Variants in SGIP1 observed in about 807,000 individuals in gnomAD.
SGIP1 encodes the protein SH3-containing GRB2-like protein 3-interacting protein 1.
Under a neutral mutation model 107.5 loss-of-function variants are expected in SGIP1, and 38 were observed. The observed-to-expected ratio is 0.35, with a 90% confidence interval of 0.27 to 0.46. The LOEUF (loss-of-function observed/expected upper bound fraction) is 0.46. SGIP1 is among the 20% of genes least tolerant of loss of function. The pLI, the probability that SGIP1 is intolerant of heterozygous loss-of-function variation, is 1.00. For missense variants in SGIP1, 929 were observed against 1,019.5 expected (o/e 0.91, Z 1.21); for synonymous variants, 365 against 366.1 (o/e 1.00, Z 0.03).
At chr1:66,660,145 GAGAAAGAA>G (rs71575496) in intron 7 of SGIP1, 3,984 of 42,280 alleles carry the variant, frequency 0.094, 275 homozygotes, top group Non-Finnish European at 0.12. Context: ...AGAAAGAAGA[GAGAAAGAA>G]AGAAAGAAAG....
chr1:66,660,207 G>GAAAGAA (rs1557505496), intron 7 of SGIP1: 2 of 176,434 alleles, frequency 1.1e-5, no homozygotes, highest in African/African-American at 4.1e-5. Flanking sequence ...AAGAAAGAAA[G>GAAAGAA]AAAGAAAGAG....
chr1:66,607,621 CA>C (rs1255239554), intron 1 of SGIP1, among the ~76,000 whole-genome samples: 1 of 152,194 alleles, frequency 6.6e-6, no homozygotes, highest in East Asian at 1.9e-4. Context: ...TATTCTGTGA[CA>C]GGGGATTCTC....
chr1:66,630,349 C>T (rs1316331064), intron 2 of SGIP1, among the ~76,000 whole-genome samples: 1 of 152,122 alleles, frequency 6.6e-6, no homozygotes, highest in Non-Finnish European at 1.5e-5. Context: ...TCTTGCTGTT[C>T]CCAAAGGCAT....
At chr1:66,573,423 A>T (rs2060645989) in intron 1 of SGIP1, among the ~76,000 whole-genome samples, 1 of 152,134 alleles carries the variant, frequency 6.6e-6, no homozygotes, top group Non-Finnish European at 1.5e-5. Context: ...TACCCAAAGG[A>T]ATATAAATTA....
At position 66,534,222 on chromosome 1, in the gene SGIP1, AC is replaced by A; in HGVS notation, c.-136del. ...TCCATGGCCTGTCTTTTGGCTTAAC[AC>A]TTATCTCCTTTGGCTTTGACAGCGG... On this transcript the variant is annotated 5_prime_UTR_variant, in exon 1 of 25. Coordinates refer to ENST00000371037, the MANE Select transcript of SGIP1 (RefSeq NM_032291.4). 1 of 879,938 alleles carries A rather than the reference AC, an allele frequency of 1.1e-6. No homozygotes were observed. The highest frequency in any genetic ancestry group is 1.9e-6 in the Non-Finnish European group (1 of 531,858). 54.5% of individuals were successfully genotyped at this position (879,938 alleles called of 1,614,324 possible).
intron 8 of SGIP1, among the ~76,000 whole-genome samples, chr1:66,663,935 C>T (rs1235735998): frequency 6.6e-6 from 1 of 152,106 alleles, no homozygotes; most frequent in South Asian, 2.1e-4. Context: ...TACTTTTGCA[C>T]CTACTTTAAT....
chr1:66,723,473 G>C (rs1052990823), intron 19 of SGIP1, among the ~76,000 whole-genome samples: 3 of 152,086 alleles, frequency 2.0e-5, no homozygotes, highest in African/African-American at 7.2e-5. Context: ...CACATCTCCC[G>C]CTATTAGTTC....
At chr1:66,690,362 G>T in intron 17 of SGIP1, 46 bp downstream of exon 17, 1 of 1,608,510 alleles carries the variant, frequency 6.2e-7, no homozygotes, top group Non-Finnish European at 8.5e-7. Context: ...GTTTTGACTG[G>T]CTATTTTTTA....
At chr1:66,629,881 G>A (rs1279622108) in intron 2 of SGIP1, among the ~76,000 whole-genome samples, 2 of 152,174 alleles carry the variant, frequency 1.3e-5, no homozygotes, top group Non-Finnish European at 2.9e-5. Context: ...TCTAGAGACT[G>A]TCTCAGGTTC....
chr1:66,622,512 G>C (rs2071408972), intron 1 of SGIP1, among the ~76,000 whole-genome samples: 1 of 152,094 alleles, frequency 6.6e-6, no homozygotes, highest in African/African-American at 2.4e-5. Context: ...TTATAACCGG[G>C]CTGCCTAGTT....
intron 1 of SGIP1, among the ~76,000 whole-genome samples, chr1:66,577,338 T>C (rs2061204267): frequency 6.6e-6 from 1 of 152,200 alleles, no homozygotes; most frequent in African/African-American, 2.4e-5. Context: ...CTACATCATA[T>C]AAACTCCTTA....
chr1:66,662,014 T>C (rs552110376), intron 8 of SGIP1, among the ~76,000 whole-genome samples: 1 of 152,298 alleles, frequency 6.6e-6, no homozygotes, highest in Admixed American at 6.5e-5. Context: ...ATATGTCTGA[T>C]TGAATATAAT....
At chr1:66,670,889 A>C in intron 9 of SGIP1, 106 bp from the exon 10 acceptor site, 1 of 508,770 alleles carries the variant, frequency 2.0e-6, no homozygotes, top group Non-Finnish European at 3.4e-6. Flanking sequence ...TCATTTCCCT[A>C]TCTGCATTTA....
At chr1:66,577,944 T>A (rs957104294) in intron 1 of SGIP1, among the ~76,000 whole-genome samples, 2 of 152,182 alleles carry the variant, frequency 1.3e-5, no homozygotes, top group Non-Finnish European at 2.9e-5. Flanking sequence ...AGATGTTTAA[T>A]TTTAGCACCA....
intron 21 of SGIP1, among the ~76,000 whole-genome samples, chr1:66,735,768 T>G: frequency 5.6e-5 from 1 of 17,750 alleles, no homozygotes; most frequent in Non-Finnish European, 1.4e-4. Flanking sequence ...TGCAGTGAGC[T>G]GAGATTGCGC....
At chr1:66,686,605 GT>G (rs558971147) in intron 15 of SGIP1, among the ~76,000 whole-genome samples, 182 of 152,308 alleles carry the variant, frequency 1.2e-3, no homozygotes, top group Non-Finnish European at 2.2e-3. Flanking sequence ...CCTTTGTTCA[GT>G]TGTGAAATAC....
chr1:66,612,098 A>G (rs72918447), intron 1 of SGIP1, among the ~76,000 whole-genome samples: 33,231 of 152,086 alleles, frequency 0.22, 4,079 homozygotes, highest in East Asian at 0.32. Flanking sequence ...TGAGGACCTC[A>G]GGCTGCTTCC....
chr1:66,586,958 T>C (rs1214543596), intron 1 of SGIP1, among the ~76,000 whole-genome samples: 1 of 152,042 alleles, frequency 6.6e-6, no homozygotes, highest in Non-Finnish European at 1.5e-5. Context: ...AAATTCTGAG[T>C]TGATGGTAGT....
chr1:66,707,731 A>G (rs2092622519), intron 18 of SGIP1, among the ~76,000 whole-genome samples: 1 of 152,148 alleles, frequency 6.6e-6, no homozygotes, highest in African/African-American at 2.4e-5. Flanking sequence ...AGAGTTGATG[A>G]GTTGTCCAGG....
Sources: gnomAD v4.1 joint callset for allele counts (sites outside exome capture counted in the v4.1 genomes callset) on GRCh38, gnomAD v4.1.1 for gene constraint, MANE v1.5 for transcripts, NCBI Gene and HGNC (gene_info 2026-07-23, HGNC 2026-07-21) for gene names.